The following DFFB variants were observed in gnomAD, a reference collection of about 807,000 sequenced individuals.
The protein encoded by DFFB is DNA fragmentation factor subunit beta.
Under a neutral mutation model 32.7 loss-of-function variants are expected in DFFB, and 29 were observed. The ratio of observed to expected loss-of-function variants is 0.89; its 90% CI spans 0.66 to 1.21. The LOEUF is 1.21. Ranked by LOEUF, DFFB falls within the 50% of genes most tolerant of loss-of-function variation. The pLI, the probability that DFFB is intolerant of heterozygous loss-of-function variation, is 0.00. For synonymous variants in DFFB, 170 were observed against 177.1 expected, an observed-to-expected ratio of 0.96 and a Z score of 0.32; for missense variants, 398 against 440.6, an observed-to-expected ratio of 0.90 and a Z score of 0.87.
intron 6 of DFFB, 117 bp from the exon 7 acceptor site, chr1:3,883,390 T>C: frequency 1.1e-6 from 1 of 929,682 alleles, no homozygotes; most frequent in Non-Finnish European, 1.6e-6. Flanking sequence ...TGCGGCCGTG[T>C]GTCCGTGATA....
rs548335538 is a variant in DFFB at position 3,884,091 on chromosome 1, T to A, written c.*350T>A. 2 of 277,530 alleles carry A rather than the reference T, an allele frequency of 7.2e-6. No homozygotes were observed. Among genetic ancestry groups the A allele is most frequent in the African/African-American group, 4.4e-5 (2 of 44,948 alleles). The allele number at this position is 277,530 out of a possible 1,614,324, so 17.2% of individuals were successfully genotyped here. A position where few individuals can be genotyped will look rare whatever the true frequency, so the allele number is the denominator to read the frequency against. On this transcript the variant is annotated 3_prime_UTR_variant, in exon 7 of 7. Coordinates refer to ENST00000378209, the MANE Select transcript of DFFB (RefSeq NM_004402.4). Reference sequence around the variant, plus strand: ...TAGAGACGGGGTTTCACCATGTTGGTCAGGCTGGTCTCAAACTCCTGACCT... The same window carrying A: ...TAGAGACGGGGTTTCACCATGTTGGACAGGCTGGTCTCAAACTCCTGACCT...
intron 4 of DFFB, among the ~76,000 whole-genome samples, chr1:3,869,164 A>G (rs946347610): frequency 6.6e-6 from 1 of 152,196 alleles, no homozygotes; most frequent in Non-Finnish European, 1.5e-5. Flanking sequence ...GGTTCAAGTA[A>G]TCCTCCTGCC....
intron 2 of DFFB, among the ~76,000 whole-genome samples, chr1:3,861,516 C>T (rs191404376): frequency 1.3e-5 from 2 of 152,312 alleles, no homozygotes; most frequent in African/African-American, 4.8e-5. Context: ...CTAGCTTTCA[C>T]TTCCTGGGCT....
intron 6 of DFFB, 90 bp downstream of exon 6, chr1:3,872,662 C>A (rs1645144167): frequency 2.5e-6 from 3 of 1,216,906 alleles, no homozygotes; most frequent in Non-Finnish European, 3.6e-6. Flanking sequence ...CCTGTCCCTG[C>A]CACGGCCCTG....
intron 3 of DFFB, chr1:3,867,565 C>CCGTATCATTAAAA: frequency 5.9e-6 from 1 of 170,036 alleles, no homozygotes; most frequent in Non-Finnish European, 1.3e-5. Context: ...CAAGATGATG[C>CCGTATCATTAAAA]AATCTGGCCA....
chr1:3,873,143 C>T (rs542907011), intron 6 of DFFB: 153 of 275,326 alleles, frequency 5.6e-4, no homozygotes, highest in Middle Eastern at 4.8e-3. Flanking sequence ...TACAGGTGCT[C>T]GCCACCATGC....
At chr1:3,880,013 C>A (rs1359555481) in intron 6 of DFFB, among the ~76,000 whole-genome samples, 1 of 152,244 alleles carries the variant, frequency 6.6e-6, no homozygotes, top group East Asian at 1.9e-4. Flanking sequence ...CCAATGCCTT[C>A]AAATGTCCTG....
intron 2 of DFFB, among the ~76,000 whole-genome samples, chr1:3,861,340 C>A (rs1044318071): frequency 6.6e-6 from 1 of 152,106 alleles, no homozygotes; most frequent in Admixed American, 6.5e-5. Flanking sequence ...TTCAACCATT[C>A]GCCTGTGGAA....
At chr1:3,864,133 A>C (rs970531517) in intron 2 of DFFB, among the ~76,000 whole-genome samples, 15 of 151,680 alleles carry the variant, frequency 9.9e-5, no homozygotes, top group African/African-American at 3.4e-4. Context: ...CGCCCAGCTA[A>C]TTTTTGTATT....
chr1:3,866,044 C>T (rs10909809), intron 3 of DFFB, 44 bp downstream of exon 3: 939,615 of 1,460,938 alleles, frequency 0.64, 312,311 homozygotes, highest in Non-Finnish European at 0.7. Flanking sequence ...TTCTTTGGAG[C>T]CTGAGGTGCC....
chr1:3,876,170 A>G (rs952785579), intron 6 of DFFB, among the ~76,000 whole-genome samples: 5 of 152,130 alleles, frequency 3.3e-5, no homozygotes, highest in African/African-American at 7.2e-5. Flanking sequence ...AGATTCTCCT[A>G]CTCTTTTCTC....
intron 2 of DFFB, among the ~76,000 whole-genome samples, chr1:3,861,981 C>T (rs1644888564): frequency 6.6e-6 from 1 of 152,140 alleles, no homozygotes; most frequent in Non-Finnish European, 1.5e-5. Flanking sequence ...GTAGAAAACC[C>T]TAAGGAATCC....
intron 6 of DFFB, among the ~76,000 whole-genome samples, chr1:3,880,386 T>C (rs1452194999): frequency 6.6e-6 from 1 of 152,212 alleles, no homozygotes; most frequent in Non-Finnish European, 1.5e-5. Context: ...TAAGAAACGA[T>C]AACCTTGAGT....
chr1:3,864,469 A>G (rs1644936487), intron 2 of DFFB, among the ~76,000 whole-genome samples: 1 of 152,080 alleles, frequency 6.6e-6, no homozygotes, highest in South Asian at 2.1e-4. Flanking sequence ...CAGTGTGGTG[A>G]TGTCTCGTTG....
chr1:3,883,488 C>G lies in DFFB; in HGVS notation c.783-19C>G. ...GCACTGTGACCACAGAAAATGATGT[C>G]TCTAACCTTACTTTGCAGAATAGAA... is the stretch of plus-strand genomic sequence containing the variant. On this transcript the variant is annotated intron_variant, in intron 6 of 6. Transcript: ENST00000378209. 1 of 1,610,922 alleles carries G rather than the reference C, an allele frequency of 6.2e-7. No homozygotes were observed. Among genetic ancestry groups the G allele is most frequent in the East Asian group, 2.2e-5 (1 of 44,872 alleles).
intron 6 of DFFB, among the ~76,000 whole-genome samples, chr1:3,878,032 C>T (rs1645259461): frequency 6.6e-6 from 1 of 152,194 alleles, no homozygotes; most frequent in Non-Finnish European, 1.5e-5. Flanking sequence ...CCTCCTGCTG[C>T]AGGTGTTGTG....
chr1:3,877,327 A>ATTTTTTT (rs1645243092), intron 6 of DFFB, among the ~76,000 whole-genome samples: 1 of 88,982 alleles, frequency 1.1e-5, no homozygotes, highest in African/African-American at 4.7e-5. Context: ...TTGGGAGTTC[A>ATTTTTTT]GTTTTTTTTT....
Position 3,884,024 on chromosome 1 carries a change from CAG to C in DFFB, c.*284_*285del, listed in dbSNP as rs965121343. The stretch of plus-strand genomic sequence containing the variant: ...TCAGCCTCCCGAGTAGCTGGGATTA[CAG>C]GCATGTGCCACCACGCCCGGCTAAT... On this transcript the variant is annotated 3_prime_UTR_variant, in exon 7 of 7. Coordinates refer to ENST00000378209, the MANE Select transcript of DFFB (RefSeq NM_004402.4). 1.3e-5 allele frequency: 5 copies of C among 397,720 alleles called. No individual in the cohort carries two copies. The highest frequency in any genetic ancestry group is 1.0e-4 in the African/African-American group (5 of 49,218). The allele number at this position is 397,720 out of a possible 1,614,324, so 24.6% of individuals were successfully genotyped here.
intron 6 of DFFB, among the ~76,000 whole-genome samples, chr1:3,882,599 A>AG (rs1645362477): frequency 6.6e-6 from 1 of 152,148 alleles, no homozygotes; most frequent in Admixed American, 6.6e-5. Flanking sequence ...TCCTGACCTC[A>AG]GGTGATCCGC....
Sources: gnomAD v4.1 joint callset for allele counts (sites outside exome capture counted in the v4.1 genomes callset) on GRCh38, gnomAD v4.1.1 for gene constraint, MANE v1.5 for transcripts, NCBI Gene and HGNC (gene_info 2026-07-23, HGNC 2026-07-21) for gene names.